The following PPFIA2 variants were observed in gnomAD, a reference collection of about 807,000 sequenced individuals.
PPFIA2 encodes liprin-alpha-2.
A neutral mutation model predicts 175.5 loss-of-function variants in PPFIA2; 46 were observed. That is an observed-to-expected ratio of 0.26 (90% confidence interval 0.21 to 0.34). The LOEUF (loss-of-function observed/expected upper bound fraction) is 0.34. PPFIA2 is among the 10% of genes least tolerant of loss of function. The pLI, the probability that PPFIA2 is intolerant of heterozygous loss-of-function variation, is 1.00. For missense variants in PPFIA2, 1,179 were observed against 1,506.1 expected (o/e 0.78, Z 3.60); for synonymous variants, 568 against 511.4 (o/e 1.11, Z -1.49).
intron 4 of PPFIA2, among the ~76,000 whole-genome samples, chr12:81,656,198 C>T (rs970057382): frequency 2.0e-5 from 3 of 151,986 alleles, no homozygotes; most frequent in Non-Finnish European, 4.4e-5. Context: ...CGAGGAGTAT[C>T]TTTGTGGCGT....
intron 13 of PPFIA2, 107 bp from the exon 14 acceptor site, chr12:81,367,277 T>A: frequency 1.3e-6 from 1 of 759,596 alleles, no homozygotes; most frequent in Non-Finnish European, 1.8e-6. Flanking sequence ...ATTCCTTCCT[T>A]AGTTCAGGTA....
intron 4 of PPFIA2, among the ~76,000 whole-genome samples, chr12:81,620,674 C>T (rs1332786292): frequency 6.6e-6 from 1 of 152,120 alleles, no homozygotes; most frequent in Admixed American, 6.5e-5. Context: ...GGAAGAAATG[C>T]AATGGGATGC....
At chr12:81,666,202 G>A (rs1001803105) in intron 4 of PPFIA2, among the ~76,000 whole-genome samples, 2 of 152,148 alleles carry the variant, frequency 1.3e-5, no homozygotes, top group Non-Finnish European at 2.9e-5. Context: ...ATTCAGTGTG[G>A]CGATTCCTCA....
At chr12:81,474,974 CA>C (rs2057295448) in intron 4 of PPFIA2, among the ~76,000 whole-genome samples, 1 of 152,038 alleles carries the variant, frequency 6.6e-6, no homozygotes, top group African/African-American at 2.4e-5. Flanking sequence ...ATACACAACA[CA>C]AAAATAAAAT....
intron 30 of PPFIA2, among the ~76,000 whole-genome samples, chr12:81,266,297 G>A (rs2037239793): frequency 6.6e-6 from 1 of 152,102 alleles, no homozygotes; most frequent in Non-Finnish European, 1.5e-5. Context: ...AACTCAGAAA[G>A]ACTATTAAAA....
intron 3 of PPFIA2, among the ~76,000 whole-genome samples, chr12:81,706,681 G>T (rs2077191568): frequency 6.6e-6 from 1 of 152,050 alleles, no homozygotes; most frequent in Non-Finnish European, 1.5e-5. Context: ...AGGGGTCAGG[G>T]GTCAGGGACC....
At chr12:81,446,613 G>A (rs2051320838) in intron 5 of PPFIA2, among the ~76,000 whole-genome samples, 1 of 152,190 alleles carries the variant, frequency 6.6e-6, no homozygotes, top group Admixed American at 6.5e-5. Context: ...TATAGGAAAG[G>A]TCTTCGGAAG....
intron 7 of PPFIA2, among the ~76,000 whole-genome samples, chr12:81,410,391 A>G (rs2043718387): frequency 6.6e-6 from 1 of 152,008 alleles, no homozygotes; most frequent in Non-Finnish European, 1.5e-5. Flanking sequence ...AAGCATAATC[A>G]TTTTATTTCC....
intron 32 of PPFIA2, chr12:81,260,652 T>G (rs753141571): frequency 6.6e-5 from 10 of 152,124 alleles, no homozygotes; most frequent in Non-Finnish European, 2.9e-5. Context: ...CAGCTTCAAA[T>G]AGTGATCCAA....
intron 28 of PPFIA2, among the ~76,000 whole-genome samples, chr12:81,271,846 G>A (rs1201891962): frequency 6.6e-6 from 1 of 151,750 alleles, no homozygotes; most frequent in Non-Finnish European, 1.5e-5. Context: ...TCCATCATGT[G>A]TGCATTTTTT....
intron 4 of PPFIA2, among the ~76,000 whole-genome samples, chr12:81,592,214 C>T (rs2058747025): frequency 6.6e-6 from 1 of 152,154 alleles, no homozygotes; most frequent in African/African-American, 2.4e-5. Flanking sequence ...AACCCAATGC[C>T]TGTGCCCCCA....
intron 9 of PPFIA2, among the ~76,000 whole-genome samples, chr12:81,377,420 C>T (rs184955000): frequency 1.3e-4 from 20 of 152,064 alleles, no homozygotes; most frequent in African/African-American, 3.9e-4. Flanking sequence ...GGCATCATGG[C>T]TCATGCCTGT....
At chr12:81,581,788 T>C (rs1438028349) in intron 4 of PPFIA2, among the ~76,000 whole-genome samples, 1 of 151,894 alleles carries the variant, frequency 6.6e-6, no homozygotes, top group Non-Finnish European at 1.5e-5. Flanking sequence ...TCTTTCAGTG[T>C]TTCTGTATCA....
At chr12:81,298,637 C>A (rs12296640) in intron 23 of PPFIA2, among the ~76,000 whole-genome samples, 4 of 152,246 alleles carry the variant, frequency 2.6e-5, no homozygotes, top group Middle Eastern at 3.4e-3. Context: ...AACAGCCCTT[C>A]GTAGTCAAAT....
chr12:81,432,749 G>T (rs1164492757), intron 7 of PPFIA2, among the ~76,000 whole-genome samples: 1 of 151,946 alleles, frequency 6.6e-6, no homozygotes, highest in Non-Finnish European at 1.5e-5. Flanking sequence ...GAGCCACTAC[G>T]CCCGGCTAGA....
intron 9 of PPFIA2, among the ~76,000 whole-genome samples, chr12:81,376,578 A>G (rs1025129047): frequency 1.3e-5 from 2 of 152,226 alleles, no homozygotes; most frequent in Non-Finnish European, 2.9e-5. Flanking sequence ...GGAGAAAATC[A>G]TGGCATTGAT....
At chr12:81,282,837 A>G (rs892096874) in intron 26 of PPFIA2, 173 bp downstream of exon 26, 3 of 443,302 alleles carry the variant, frequency 6.8e-6, no homozygotes, top group Non-Finnish European at 1.2e-5. Flanking sequence ...AAAATATGGT[A>G]ACTTAAAAAG....
chr12:81,358,221 G>GA lies in PPFIA2; in HGVS notation c.1638-5dup. 2 of 1,559,416 alleles carry GA rather than the reference G, an allele frequency of 1.3e-6. No homozygotes were observed. Among genetic ancestry groups the GA allele is most frequent in the Admixed American group, 2.0e-5 (1 of 50,978 alleles). On this transcript the variant is annotated splice_region_variant and splice_polypyrimidine_tract_variant and intron_variant, in intron 15 of 32. Coordinates refer to ENST00000549396, the MANE Select transcript of PPFIA2 (RefSeq NM_003625.5). The stretch of plus-strand genomic sequence containing the variant: ...AGCTGAGGTGTCTAGATGAGTTCTG[G>GA]AAAAAAGGAAAAATATAAAATAATC...
At chr12:81,375,685 G>C in intron 10 of PPFIA2, 111 bp downstream of exon 10, 1 of 1,113,574 alleles carries the variant, frequency 9.0e-7, no homozygotes, top group Non-Finnish European at 1.3e-6. Context: ...TCAAATTTTA[G>C]AGAATGATTA....
Sources: gnomAD v4.1 joint callset for allele counts (sites outside exome capture counted in the v4.1 genomes callset) on GRCh38, gnomAD v4.1.1 for gene constraint, MANE v1.5 for transcripts, NCBI Gene and HGNC (gene_info 2026-07-23, HGNC 2026-07-21) for gene names.